ZFPM2: variants seen among roughly 807,000 people sequenced by gnomAD.
ZFPM2 encodes the protein zinc finger protein, FOG family member 2.
A neutral mutation model predicts 98.6 loss-of-function variants in ZFPM2; 20 were observed. The ratio of observed to expected loss-of-function variants is 0.20; its 90% CI spans 0.14 to 0.29. The LOEUF (loss-of-function observed/expected upper bound fraction) is 0.29, where lower values mean the gene tolerates loss of function less well. ZFPM2 is among the 10% of genes least tolerant of loss of function. The pLI is 1.00. For synonymous variants in ZFPM2, 518 were observed against 502.7 expected (o/e 1.03, Z -0.41); for missense variants, 1,310 against 1,388.6 (o/e 0.94, Z 0.90).
chr8:105,453,850 C>T (rs1046438725), intron 3 of ZFPM2, among the ~76,000 whole-genome samples: 2 of 151,940 alleles, frequency 1.3e-5, no homozygotes, highest in African/African-American at 4.8e-5. Flanking sequence ...GTCTCAAACT[C>T]CTGACCTCAA....
At chr8:105,533,516 C>G (rs1347896449) in intron 3 of ZFPM2, among the ~76,000 whole-genome samples, 5 of 152,028 alleles carry the variant, frequency 3.3e-5, no homozygotes, top group Admixed American at 2.6e-4. Context: ...ATAAGGTATT[C>G]CTGAAGAATT....
intron 3 of ZFPM2, among the ~76,000 whole-genome samples, chr8:105,477,433 C>A (rs1416486172): frequency 1.3e-5 from 2 of 151,570 alleles, no homozygotes; most frequent in Non-Finnish European, 2.9e-5. Context: ...TTAGTAAAGA[C>A]AGGGTTTCAC....
intron 3 of ZFPM2, among the ~76,000 whole-genome samples, chr8:105,525,391 A>C (rs538420499): frequency 4.6e-5 from 7 of 152,340 alleles, no homozygotes; most frequent in African/African-American, 1.7e-4. Context: ...AAAAGATGAT[A>C]AAGGTGAGGG....
rs1305759112 is a variant in ZFPM2 at position 105,710,714 on chromosome 8, G to T, written c.532+76357G>T. Among the ~76,000 whole-genome samples the T allele has an allele frequency of 4.0e-4, 59 of 147,810 alleles. 1 individual carries two copies. The highest frequency in any genetic ancestry group is 7.4e-4 in the Non-Finnish European group (50 of 67,340). ...GTGTGTGTGTGTGTATGTGTGTGTG[G>T]GGGGGTGTATGTGTGTGCAGTGGTT... On this transcript the variant is annotated intron_variant, in intron 5 of 7. Coordinates refer to ENST00000407775, the MANE Select transcript of ZFPM2 (RefSeq NM_012082.4).
intron 5 of ZFPM2, among the ~76,000 whole-genome samples, chr8:105,662,190 G>T (rs1348793037): frequency 1.3e-5 from 2 of 152,124 alleles, no homozygotes; most frequent in African/African-American, 2.4e-5. Flanking sequence ...TACACCCACT[G>T]ATGCAGGAGG....
chr8:105,543,059 T>C (rs1007458818), intron 3 of ZFPM2, among the ~76,000 whole-genome samples: 1 of 152,156 alleles, frequency 6.6e-6, no homozygotes, highest in Non-Finnish European at 1.5e-5. Context: ...AATGCATAAT[T>C]AAAGGCAATA....
At chr8:105,501,885 C>T (rs1392460685) in intron 3 of ZFPM2, among the ~76,000 whole-genome samples, 2 of 147,302 alleles carry the variant, frequency 1.4e-5, no homozygotes, top group East Asian at 2.0e-4. Context: ...AATTTTCAAA[C>T]ATATGTTAAA....
intron 5 of ZFPM2, among the ~76,000 whole-genome samples, chr8:105,667,318 G>C (rs1359113251): frequency 6.6e-6 from 1 of 152,058 alleles, no homozygotes; most frequent in Non-Finnish European, 1.5e-5. Context: ...GTGATCTTTT[G>C]GTAGTATATG....
At chr8:105,628,698 A>G (rs1233413266) in intron 4 of ZFPM2, among the ~76,000 whole-genome samples, 1 of 152,164 alleles carries the variant, frequency 6.6e-6, no homozygotes, top group Non-Finnish European at 1.5e-5. Flanking sequence ...CTTCAGGGGA[A>G]GATTACCTAC....
chr8:105,539,248 T>C (rs1257823211), intron 3 of ZFPM2, among the ~76,000 whole-genome samples: 2 of 152,190 alleles, frequency 1.3e-5, no homozygotes, highest in Non-Finnish European at 2.9e-5. Flanking sequence ...TGGTGGTAGA[T>C]GAATTACATT....
At chr8:105,384,969 CAT>C (rs1405367871) in intron 1 of ZFPM2, among the ~76,000 whole-genome samples, 1 of 152,142 alleles carries the variant, frequency 6.6e-6, no homozygotes, top group African/African-American at 2.4e-5. Flanking sequence ...CTCACACAGT[CAT>C]ATGAGAGAGT....
chr8:105,635,550 G>C (rs1586165006), intron 5 of ZFPM2, among the ~76,000 whole-genome samples: 1 of 152,082 alleles, frequency 6.6e-6, no homozygotes, highest in East Asian at 1.9e-4. Context: ...TTCTAACCCG[G>C]AATACCTGTG....
intron 1 of ZFPM2, among the ~76,000 whole-genome samples, chr8:105,394,110 G>A (rs932907053): frequency 7.9e-5 from 12 of 152,028 alleles, no homozygotes; most frequent in Admixed American, 5.9e-4. Context: ...AGCCAGGATG[G>A]TCTCTATCTC....
chr8:105,688,300 A>G (rs1810791605), intron 5 of ZFPM2, among the ~76,000 whole-genome samples: 1 of 152,152 alleles, frequency 6.6e-6, no homozygotes, highest in African/African-American at 2.4e-5. Flanking sequence ...CAAGCTGCTT[A>G]TGACATGTTT....
At chr8:105,452,323 T>C (rs1205578786) in intron 3 of ZFPM2, among the ~76,000 whole-genome samples, 2 of 152,232 alleles carry the variant, frequency 1.3e-5, no homozygotes, top group African/African-American at 4.8e-5. Context: ...TTTTACTGTG[T>C]TCTTTCTCGT....
Position 105,375,624 on chromosome 8 carries a change from A to C in ZFPM2, c.41-43520A>C, listed in dbSNP as rs1563628078. Among the ~76,000 whole-genome samples the C allele has an allele frequency of 1.3e-4, 20 of 152,286 alleles. 1 individual carries two copies. In the South Asian group the frequency reaches 3.7e-3, roughly 28 times the overall value. On this transcript the variant is annotated intron_variant, in intron 1 of 7. Coordinates refer to ENST00000407775, the MANE Select transcript of ZFPM2 (RefSeq NM_012082.4). Reference sequence around the variant, plus strand: ...AACTCCCTTCACCAGTTGAGTAGTGAAGATAGGAGTCTGTAAAGAGGCAGA... The same window carrying C: ...AACTCCCTTCACCAGTTGAGTAGTGCAGATAGGAGTCTGTAAAGAGGCAGA...
At chr8:105,520,067 T>C (rs1437226120) in intron 3 of ZFPM2, among the ~76,000 whole-genome samples, 1 of 152,150 alleles carries the variant, frequency 6.6e-6, no homozygotes, top group Non-Finnish European at 1.5e-5. Flanking sequence ...TATCCTGTTA[T>C]TGTAGAAGAC....
At chr8:105,365,795 C>T (rs1810493884) in intron 1 of ZFPM2, among the ~76,000 whole-genome samples, 1 of 152,030 alleles carries the variant, frequency 6.6e-6, no homozygotes, top group Admixed American at 6.6e-5. Context: ...ACTTGGGCTT[C>T]GATATGCAAA....
At chr8:105,563,161 G>A (rs1815174807) in intron 4 of ZFPM2, among the ~76,000 whole-genome samples, 1 of 152,146 alleles carries the variant, frequency 6.6e-6, no homozygotes, top group Non-Finnish European at 1.5e-5. Context: ...GGTGTACTGG[G>A]TTCAGCAACA....
Sources: gnomAD v4.1 joint callset for allele counts (sites outside exome capture counted in the v4.1 genomes callset) on GRCh38, gnomAD v4.1.1 for gene constraint, MANE v1.5 for transcripts, NCBI Gene and HGNC (gene_info 2026-07-23, HGNC 2026-07-21) for gene names.